Variants in SGCD observed in about 807,000 individuals in gnomAD.
SGCD encodes the protein sarcoglycan delta.
Under a neutral mutation model 36.6 loss-of-function variants are expected in SGCD, and 18 were observed. The ratio of observed to expected loss-of-function variants is 0.49; its 90% CI spans 0.34 to 0.73. The LOEUF (loss-of-function observed/expected upper bound fraction) is 0.73. SGCD is among the 30% of genes least tolerant of loss of function. SGCD has a pLI of 0.01. For synonymous variants in SGCD, 133 were observed against 130.6 expected (o/e 1.02, Z -0.12); for missense variants, 387 against 346.7 (o/e 1.12, Z -0.92).
At chr5:156,170,035 A>T (rs1393351590) in intron 3 of SGCD, among the ~76,000 whole-genome samples, 1 of 152,202 alleles carries the variant, frequency 6.6e-6, no homozygotes, top group African/African-American at 2.4e-5. Flanking sequence ...ATTGGCTAGT[A>T]AACTCCTGAG....
chr5:155,826,838 A>G, the SGCD span, among the ~76,000 whole-genome samples: 296 of 152,342 alleles, frequency 1.9e-3, no homozygotes, highest in African/African-American at 6.9e-3. Flanking sequence ...TGAATGAGTA[A>G]TACATCTTAG....
chr5:155,913,479 C>T (rs997178780), intron 1 of SGCD, among the ~76,000 whole-genome samples: 1 of 152,118 alleles, frequency 6.6e-6, no homozygotes, highest in African/African-American at 2.4e-5. Flanking sequence ...TAGGGAAATC[C>T]ACTTAACATC....
At chr5:156,273,864 C>T (rs144787352) in intron 3 of SGCD, among the ~76,000 whole-genome samples, 69 of 152,254 alleles carry the variant, frequency 4.5e-4, no homozygotes, top group African/African-American at 6.3e-4. Flanking sequence ...CACCCTTGTA[C>T]GGTTGTCATG....
Position 156,373,809 on chromosome 5 carries a change from G to A in SGCD, c.192+29132G>A, listed in dbSNP as rs148865713. On this transcript the variant is annotated intron_variant, in intron 3 of 8. Coordinates refer to ENST00000337851, the MANE Select transcript of SGCD (RefSeq NM_000337.6). ...TTGCTAGCTCAGGCCAAGAGGGTGT[G>A]ACATAGTGGCATGGATAATTTTGTT... 2.8e-3 allele frequency among the ~76,000 whole-genome samples: 427 copies of A among 152,348 alleles called. 1 individual carries two copies. The Middle Eastern group carries it at 0.034, about 12-fold the overall frequency.
chr5:156,428,737 A>G (rs1346137308), intron 3 of SGCD, among the ~76,000 whole-genome samples: 3 of 152,002 alleles, frequency 2.0e-5, no homozygotes, highest in African/African-American at 7.2e-5. Context: ...AAGTTGTGTC[A>G]CTATTATTCA....
rs189512867 is a variant in SGCD at position 156,430,060 on chromosome 5, G to T, written c.193-78541G>T. ...AGAGTCTTTGAGCTTTTTGTATTTG[G>T]ATGTCTAGATCTCTAGCAAGGGAAG... On this transcript the variant is annotated intron_variant, in intron 3 of 8. Coordinates refer to ENST00000337851, the MANE Select transcript of SGCD (RefSeq NM_000337.6). Among the ~76,000 whole-genome samples, 14 of 152,182 alleles carry T rather than the reference G, an allele frequency of 9.2e-5. No homozygotes were observed. The East Asian group carries it at 2.7e-3, about 29-fold the overall frequency.
chr5:156,123,128 T>G (rs1762085957), intron 2 of SGCD, among the ~76,000 whole-genome samples: 1 of 152,118 alleles, frequency 6.6e-6, no homozygotes, highest in Non-Finnish European at 1.5e-5. Context: ...TGGGTCATCT[T>G]ATATCTGACA....
chr5:156,163,705 T>G (rs2127619189), intron 3 of SGCD, among the ~76,000 whole-genome samples: 1 of 151,650 alleles, frequency 6.6e-6, no homozygotes, highest in Admixed American at 6.6e-5. Flanking sequence ...GGTTTTGGAA[T>G]CTACCAATAT....
chr5:156,487,813 A>AAAAAAAAAAAGAAAG (rs1554107842), intron 3 of SGCD, among the ~76,000 whole-genome samples: 2 of 77,798 alleles, frequency 2.6e-5, no homozygotes, highest in Non-Finnish European at 5.0e-5. Flanking sequence ...AAAAAAAAAA[A>AAAAAAAAAAAGAAAG]AAAGAAAGAA....
intron 4 of SGCD, among the ~76,000 whole-genome samples, chr5:156,573,262 G>A (rs1247714605): frequency 3.3e-5 from 5 of 152,136 alleles, no homozygotes; most frequent in African/African-American, 7.2e-5. Flanking sequence ...TGGGATCCAG[G>A]TCAGGTTCTG....
chr5:156,143,496 C>T (rs963879131), intron 3 of SGCD, among the ~76,000 whole-genome samples: 1 of 152,170 alleles, frequency 6.6e-6, no homozygotes, highest in Non-Finnish European at 1.5e-5. Context: ...TCACCGTGTT[C>T]CTGGAAAAGC....
chr5:156,261,524 G>T (rs761407961), intron 3 of SGCD, among the ~76,000 whole-genome samples: 66 of 152,294 alleles, frequency 4.3e-4, no homozygotes, highest in Admixed American at 1.2e-3. Context: ...ATGCTGGTAT[G>T]AGCAAACCTG....
intron 3 of SGCD, among the ~76,000 whole-genome samples, chr5:156,501,694 A>T (rs1372874138): frequency 2.0e-5 from 3 of 152,086 alleles, no homozygotes; most frequent in Admixed American, 6.6e-5. Context: ...AAGTAATAGG[A>T]TTTGCTCTTG....
intron 6 of SGCD, among the ~76,000 whole-genome samples, chr5:156,601,790 T>G (rs2113414971): frequency 6.6e-6 from 1 of 152,216 alleles, no homozygotes; most frequent in Non-Finnish European, 1.5e-5. Context: ...TTCCGGACAT[T>G]CTCCTGCCTC....
chr5:156,035,057 G>C (rs930436727), intron 1 of SGCD, among the ~76,000 whole-genome samples: 5 of 152,132 alleles, frequency 3.3e-5, no homozygotes, highest in Non-Finnish European at 7.4e-5. Context: ...GGCAATTAGT[G>C]AGACATAATG....
chr5:156,592,902 G>A (rs952074347), intron 5 of SGCD, among the ~76,000 whole-genome samples: 3 of 152,152 alleles, frequency 2.0e-5, no homozygotes, highest in Non-Finnish European at 4.4e-5. Flanking sequence ...GATTATGTGA[G>A]TAAGGAGAGT....
At chr5:156,168,442 G>A (rs1225165017) in intron 3 of SGCD, among the ~76,000 whole-genome samples, 4 of 151,996 alleles carry the variant, frequency 2.6e-5, no homozygotes, top group African/African-American at 4.8e-5. Flanking sequence ...GGGTGTAGTG[G>A]TGCTCACCTG....
chr5:156,225,424 A>G (rs955118910), intron 3 of SGCD, among the ~76,000 whole-genome samples: 1 of 152,118 alleles, frequency 6.6e-6, no homozygotes, highest in Non-Finnish European at 1.5e-5. Context: ...TATTGTTTTT[A>G]TTATTATTAG....
At chr5:155,845,336 A>T in the SGCD span, 6 of 152,054 alleles carry the variant, frequency 3.9e-5, no homozygotes, top group Admixed American at 3.9e-4. Flanking sequence ...TTTGATGATG[A>T]CAGTAGGAAG....
Sources: gnomAD v4.1 joint callset for allele counts (sites outside exome capture counted in the v4.1 genomes callset) on GRCh38, gnomAD v4.1.1 for gene constraint, MANE v1.5 for transcripts, NCBI Gene and HGNC (gene_info 2026-07-23, HGNC 2026-07-21) for gene names.